CSMD1: variants seen among roughly 807,000 people sequenced by gnomAD.
CSMD1 encodes the protein CUB and sushi domain-containing protein 1.
CSMD1 carries 213 observed loss-of-function variants against 417.5 expected under a neutral mutation model. That is an observed-to-expected ratio of 0.51 (90% confidence interval 0.46 to 0.57). The LOEUF (loss-of-function observed/expected upper bound fraction) is 0.57. Among genes scored for constraint, CSMD1 ranks in the 20% least tolerant of loss-of-function variants. The pLI, the probability that CSMD1 is intolerant of heterozygous loss-of-function variation, is 0.00. For missense variants in CSMD1, 6,923 were observed against 4,529.7 expected (o/e 1.53, Z -15.17); for synonymous variants, 2,862 against 1,736.8 (o/e 1.65, Z -16.11).
intron 10 of CSMD1, among the ~76,000 whole-genome samples, chr8:3,501,022 T>C (rs1012908217): frequency 1.3e-5 from 2 of 152,206 alleles, no homozygotes; most frequent in Non-Finnish European, 2.9e-5. Flanking sequence ...AAATAATATG[T>C]ATTTTCCTTG....
At position 3,852,329 on chromosome 8, in the gene CSMD1, G is replaced by C. The variant is rs148307497; in HGVS notation, c.819-98287C>G. 4.0e-3 allele frequency among the ~76,000 whole-genome samples: 603 copies of C among 152,182 alleles called. 5 individuals are homozygous for C. The highest frequency in any genetic ancestry group is 0.013 in the African/African-American group (541 of 41,520). On this transcript the variant is annotated intron_variant, in intron 5 of 69. Transcript: ENST00000635120. The stretch of plus-strand genomic sequence containing the variant: ...GGTGGGGTTTGTAGGGAGCAAGGGA[G>C]AATGGCCCGAAGGAAGCAGTGCAGG...
At chr8:3,561,765 A>T (rs1159707979) in intron 10 of CSMD1, among the ~76,000 whole-genome samples, 2 of 152,130 alleles carry the variant, frequency 1.3e-5, no homozygotes, top group African/African-American at 2.4e-5. Context: ...TACCCGCTTT[A>T]AAAAATTTAA....
At chr8:4,926,397 G>T (rs935634237) in intron 1 of CSMD1, among the ~76,000 whole-genome samples, 1 of 152,166 alleles carries the variant, frequency 6.6e-6, no homozygotes, top group Non-Finnish European at 1.5e-5. Context: ...GTATTTGTGA[G>T]ATCTACGCAT....
intron 1 of CSMD1, among the ~76,000 whole-genome samples, chr8:4,775,361 GA>G (rs1796797859): frequency 6.6e-6 from 1 of 152,152 alleles, no homozygotes; most frequent in Non-Finnish European, 1.5e-5. Context: ...AATTTTTATA[GA>G]AAAGTGTTAT....
intron 7 of CSMD1, among the ~76,000 whole-genome samples, chr8:3,658,926 C>A (rs1296719933): frequency 6.6e-6 from 1 of 152,146 alleles, no homozygotes; most frequent in Non-Finnish European, 1.5e-5. Flanking sequence ...TCTTGACCTA[C>A]CAAATAATGC....
intron 51 of CSMD1, among the ~76,000 whole-genome samples, chr8:3,023,730 G>C (rs890540194): frequency 7.2e-5 from 11 of 151,854 alleles, no homozygotes; most frequent in Admixed American, 7.2e-4. Flanking sequence ...TCTTCATCTG[G>C]AGCTACCTAG....
chr8:3,706,565 G>A (rs889552147), intron 7 of CSMD1, among the ~76,000 whole-genome samples: 1 of 152,134 alleles, frequency 6.6e-6, no homozygotes, highest in Non-Finnish European at 1.5e-5. Flanking sequence ...ATGTCAATTT[G>A]TGTTCAGATG....
chr8:4,969,379 G>C (rs1400283350), intron 1 of CSMD1, among the ~76,000 whole-genome samples: 1 of 151,828 alleles, frequency 6.6e-6, no homozygotes, highest in Admixed American at 6.6e-5. Context: ...GATAAAACGA[G>C]ATGGGGATGC....
At chr8:4,035,059 G>A (rs777150718) in intron 3 of CSMD1, among the ~76,000 whole-genome samples, 3 of 152,008 alleles carry the variant, frequency 2.0e-5, no homozygotes, top group Admixed American at 6.6e-5. Flanking sequence ...AATGATTATC[G>A]TGCAGAAAGA....
At chr8:3,662,855 G>A (rs558746666) in intron 7 of CSMD1, among the ~76,000 whole-genome samples, 10 of 152,212 alleles carry the variant, frequency 6.6e-5, no homozygotes, top group South Asian at 6.2e-4. Context: ...GGGGGAAAGA[G>A]GGGGGAGAGC....
intron 10 of CSMD1, among the ~76,000 whole-genome samples, chr8:3,562,407 C>G (rs1799508185): frequency 7.2e-6 from 1 of 139,678 alleles, no homozygotes; most frequent in Middle Eastern, 3.5e-3. Flanking sequence ...TGCATACACA[C>G]ACATGCACAA....
At position 3,256,309 on chromosome 8, in the gene CSMD1, GA is replaced by G. The variant is rs61572877; in HGVS notation, c.4154-26079del. 2.6e-3 allele frequency among the ~76,000 whole-genome samples: 213 copies of G among 81,432 alleles called. 2 individuals are homozygous for G. The highest frequency in any genetic ancestry group is 5.7e-3 in the East Asian group (13 of 2,276). The allele number at this position is 81,432 out of a possible 152,430, so 53.4% of individuals were successfully genotyped here. On this transcript the variant is annotated intron_variant, in intron 26 of 69. Transcript: ENST00000635120. ...TTGACAGAGCAAGACTAAGTCTCAA[GA>G]AAAAAAAAAAAAAAAGAGAAGAAAG...
At chr8:3,492,395 G>A (rs956073730) in intron 11 of CSMD1, among the ~76,000 whole-genome samples, 1 of 152,102 alleles carries the variant, frequency 6.6e-6, no homozygotes, top group Non-Finnish European at 1.5e-5. Flanking sequence ...CCCACAAAGA[G>A]GCATCCTCAG....
intron 5 of CSMD1, among the ~76,000 whole-genome samples, chr8:3,974,048 A>C (rs1479922318): frequency 6.6e-6 from 1 of 152,144 alleles, no homozygotes; most frequent in Non-Finnish European, 1.5e-5. Context: ...GTTATCATTG[A>C]CTATAGTCTC....
At chr8:4,176,010 T>C (rs1798019252) in intron 3 of CSMD1, among the ~76,000 whole-genome samples, 1 of 152,156 alleles carries the variant, frequency 6.6e-6, no homozygotes, top group South Asian at 2.1e-4. Context: ...TAGCCCAGGC[T>C]TCTCGCCATA....
At chr8:4,070,269 A>C (rs1160797751) in intron 3 of CSMD1, among the ~76,000 whole-genome samples, 1 of 152,200 alleles carries the variant, frequency 6.6e-6, no homozygotes, top group African/African-American at 2.4e-5. Context: ...TTCAAACTCT[A>C]AAACATAATG....
At chr8:3,495,184 G>A (rs967680140) in intron 10 of CSMD1, among the ~76,000 whole-genome samples, 4 of 152,140 alleles carry the variant, frequency 2.6e-5, no homozygotes, top group Non-Finnish European at 5.9e-5. Flanking sequence ...GTTAAACGTA[G>A]CACCTGATAT....
intron 38 of CSMD1, among the ~76,000 whole-genome samples, chr8:3,159,592 G>C (rs2129039213): frequency 6.6e-6 from 1 of 152,272 alleles, no homozygotes; most frequent in East Asian, 1.9e-4. Flanking sequence ...TAAAGTGTTA[G>C]TAAAATTGTC....
intron 3 of CSMD1, among the ~76,000 whole-genome samples, chr8:4,072,637 C>T (rs150502671): frequency 1.3e-5 from 2 of 152,128 alleles, no homozygotes; most frequent in African/African-American, 2.4e-5. Flanking sequence ...AATTAAACAT[C>T]CACATGATTA....
Sources: allele counts gnomAD v4.1 joint callset (sites outside exome capture counted in the v4.1 genomes callset), GRCh38; gene constraint gnomAD v4.1.1; transcripts MANE v1.5; gene names NCBI Gene and HGNC (gene_info 2026-07-23, HGNC 2026-07-21).